PITPNB: variants seen among roughly 807,000 people sequenced by gnomAD.
PITPNB encodes the protein phosphatidylinositol transfer protein beta, also known as phosphatidylinositol transfer protein beta isoform.
PITPNB carries 16 observed loss-of-function variants against 45.9 expected under a neutral mutation model. The observed-to-expected ratio is 0.35, with a 90% CI of 0.24 to 0.53. The LOEUF (loss-of-function observed/expected upper bound fraction) is 0.53, where lower values mean the gene tolerates loss of function less well. PITPNB is among the 20% of genes least tolerant of loss of function. The probability of loss-of-function intolerance (pLI) is 0.93; values close to 1 mark genes in which losing one functional copy is unlikely to be tolerated. For missense variants in PITPNB, 188 were observed against 330.5 expected (o/e 0.57, Z 3.34); for synonymous variants, 112 against 108.9 (o/e 1.03, Z -0.18).
At chr22:27,900,813 C>T (rs1935570434) in intron 3 of PITPNB, among the ~76,000 whole-genome samples, 1 of 152,176 alleles carries the variant, frequency 6.6e-6, no homozygotes, top group Admixed American at 6.5e-5. Flanking sequence ...CTTAGCAAGG[C>T]ACTTTAGTAA....
At chr22:27,899,347 C>T (rs754970824) in intron 3 of PITPNB, among the ~76,000 whole-genome samples, 11 of 152,202 alleles carry the variant, frequency 7.2e-5, no homozygotes, top group Non-Finnish European at 1.0e-4. Flanking sequence ...TTTTTTGAGA[C>T]GGAGTCTCAC....
At chr22:27,864,315 T>C (rs1328250854) in intron 8 of PITPNB, among the ~76,000 whole-genome samples, 2 of 152,348 alleles carry the variant, frequency 1.3e-5, no homozygotes, top group African/African-American at 2.4e-5. Context: ...TCCATACTTA[T>C]GATGGCACAG....
chr22:27,865,343 A>T (rs1934454172), intron 8 of PITPNB, among the ~76,000 whole-genome samples: 1 of 152,192 alleles, frequency 6.6e-6, no homozygotes, highest in Non-Finnish European at 1.5e-5. Flanking sequence ...CTGATGTTTA[A>T]TAAATTAAAT....
At chr22:27,899,574 T>C (rs1935535054) in intron 3 of PITPNB, among the ~76,000 whole-genome samples, 1 of 152,086 alleles carries the variant, frequency 6.6e-6, no homozygotes. Context: ...CCGCCCGCCT[T>C]GGCCTCCCAA....
intron 10 of PITPNB, among the ~76,000 whole-genome samples, chr22:27,857,092 C>T (rs1481753161): frequency 1.3e-5 from 2 of 152,138 alleles, no homozygotes; most frequent in African/African-American, 2.4e-5. Flanking sequence ...CATCTCATCA[C>T]CCTATTCCCT....
At chr22:27,871,383 A>G (rs1934654227) in intron 8 of PITPNB, among the ~76,000 whole-genome samples, 1 of 152,222 alleles carries the variant, frequency 6.6e-6, no homozygotes, top group African/African-American at 2.4e-5. Context: ...TCAAGAAAAT[A>G]CAATATTTAA....
At chr22:27,860,064 T>A in intron 9 of PITPNB, 67 bp downstream of exon 9, 1 of 853,312 alleles carries the variant, frequency 1.2e-6, no homozygotes, top group South Asian at 1.4e-5. Flanking sequence ...ACAGAGAAGA[T>A]ATCCCATTAA....
chr22:27,854,880 C>T lies in PITPNB; in HGVS notation c.*12G>A, dbSNP rs1934127154. ...CAGTTTGACATTGTCTCTGACCCTA[C>T]AGGGGACTCATCTAGACATCAGCAG... is the stretch of plus-strand genomic sequence containing the variant. On this transcript the variant is annotated 3_prime_UTR_variant, in exon 11 of 12. Coordinates refer to ENST00000335272, the MANE Select transcript of PITPNB (RefSeq NM_012399.5). 1.4e-5 allele frequency: 22 copies of T among 1,612,464 alleles called. No homozygotes were observed. The highest frequency in any genetic ancestry group is 1.7e-5 in the Non-Finnish European group (20 of 1,178,554).
At chr22:27,906,086 T>G (rs1342666771) in intron 3 of PITPNB, among the ~76,000 whole-genome samples, 3 of 152,126 alleles carry the variant, frequency 2.0e-5, no homozygotes, top group Non-Finnish European at 4.4e-5. Context: ...TATGATGGAT[T>G]TAGGGAAGAG....
intron 3 of PITPNB, among the ~76,000 whole-genome samples, chr22:27,900,811 G>A (rs1291747758): frequency 3.3e-5 from 5 of 152,052 alleles, no homozygotes; most frequent in African/African-American, 1.2e-4. Flanking sequence ...CACTTAGCAA[G>A]GCACTTTAGT....
In PITPNB at chr22:27,885,174, T is replaced by C. The variant is rs1935082296; in HGVS notation, c.456+9381A>G. ...ATGGAAAGCTACTTAGACAAAGTGC[T>C]GGAGATGATTAAAAAGAGCCAGATT... On this transcript the variant is annotated intron_variant, in intron 7 of 11. Transcript: ENST00000335272. Among the ~76,000 whole-genome samples the C allele has an allele frequency of 3.5e-5, 4 of 114,192 alleles. No individual in the cohort carries two copies. The South Asian group carries it at 1.1e-3, about 31-fold the overall frequency. 74.9% of individuals were successfully genotyped at this position (114,192 alleles called of 152,430 possible).
intron 3 of PITPNB, 38 bp from the exon 4 acceptor site, chr22:27,897,930 C>T (rs1346809825): frequency 7.4e-7 from 1 of 1,354,078 alleles, no homozygotes; most frequent in African/African-American, 1.4e-5. Context: ...TTAACAGCAC[C>T]ATCAATTCTT....
At chr22:27,865,611 A>C (rs1934460371) in intron 8 of PITPNB, among the ~76,000 whole-genome samples, 1 of 152,222 alleles carries the variant, frequency 6.6e-6, no homozygotes, top group Non-Finnish European at 1.5e-5. Flanking sequence ...GACCCAAAGA[A>C]GTTCCAGCGT....
chr22:27,886,555 C>T (rs1358232642), intron 7 of PITPNB, among the ~76,000 whole-genome samples: 1 of 152,188 alleles, frequency 6.6e-6, no homozygotes, highest in East Asian at 1.9e-4. Flanking sequence ...CTCTTCTCTG[C>T]ATGGTGAAGT....
intron 3 of PITPNB, among the ~76,000 whole-genome samples, chr22:27,909,974 C>T (rs1370831374): frequency 2.8e-5 from 4 of 140,770 alleles, no homozygotes; most frequent in South Asian, 2.3e-4. Flanking sequence ...TTTTTTGAGA[C>T]GGAGTCTCGC....
intron 8 of PITPNB, among the ~76,000 whole-genome samples, chr22:27,867,310 C>A (rs1480455154): frequency 6.6e-6 from 1 of 152,110 alleles, no homozygotes; most frequent in Non-Finnish European, 1.5e-5. Context: ...CCAAGACACA[C>A]TGGGAGCCAT....
chr22:27,862,588 C>G (rs1364321130), intron 8 of PITPNB, among the ~76,000 whole-genome samples: 1 of 152,118 alleles, frequency 6.6e-6, no homozygotes, highest in Non-Finnish European at 1.5e-5. Flanking sequence ...TAGCTTAGCT[C>G]TATTTTTCCA....
chr22:27,909,424 G>A (rs1935856248), intron 3 of PITPNB, among the ~76,000 whole-genome samples: 1 of 151,552 alleles, frequency 6.6e-6, no homozygotes. Context: ...CCAAACTTAA[G>A]GGAATGTGCA....
At chr22:27,902,475 TCTGG>T (rs1377749477) in intron 3 of PITPNB, among the ~76,000 whole-genome samples, 1 of 152,170 alleles carries the variant, frequency 6.6e-6, no homozygotes, top group Non-Finnish European at 1.5e-5. Flanking sequence ...TTACGACCAT[TCTGG>T]CTTTGTGTGA....
Sources: allele counts gnomAD v4.1 joint callset (sites outside exome capture counted in the v4.1 genomes callset), GRCh38; gene constraint gnomAD v4.1.1; transcripts MANE v1.5; gene names NCBI Gene and HGNC (gene_info 2026-07-23, HGNC 2026-07-21).